SUCLG2: variants seen among roughly 807,000 people sequenced by gnomAD.
The protein encoded by SUCLG2 is succinate--CoA ligase [GDP-forming] subunit beta, mitochondrial.
A neutral mutation model predicts 47.9 loss-of-function variants in SUCLG2; 42 were observed. The ratio of observed to expected loss-of-function variants is 0.88; its 90% confidence interval spans 0.69 to 1.14. The LOEUF (loss-of-function observed/expected upper bound fraction) is 1.14, where lower values mean the gene tolerates loss of function less well. Among genes scored for constraint, SUCLG2 ranks in the 50% most tolerant of loss-of-function variants. The pLI is 0.00. For missense variants in SUCLG2, 571 were observed against 525.9 expected (o/e 1.09, Z -0.84); for synonymous variants, 195 against 197.3 (o/e 0.99, Z 0.10).
chr3:67,576,180 C>A (rs1335862162), intron 2 of SUCLG2, among the ~76,000 whole-genome samples: 1 of 152,190 alleles, frequency 6.6e-6, no homozygotes, highest in African/African-American at 2.4e-5. Context: ...ATACTCCAAT[C>A]AACAGAGTAG....
At chr3:67,393,807 A>T (rs908961834) in intron 10 of SUCLG2, among the ~76,000 whole-genome samples, 1 of 151,962 alleles carries the variant, frequency 6.6e-6, no homozygotes, top group African/African-American at 2.4e-5. Context: ...ATGGCCGGGT[A>T]CTCCTCTGAG....
At chr3:67,476,331 G>A (rs541490930) in intron 9 of SUCLG2, among the ~76,000 whole-genome samples, 14 of 152,064 alleles carry the variant, frequency 9.2e-5, no homozygotes, top group East Asian at 1.9e-4. Context: ...GATCAGTGGC[G>A]GGATTAGATT....
At chr3:67,628,712 C>G (rs1183047142) in intron 1 of SUCLG2, among the ~76,000 whole-genome samples, 11 of 152,122 alleles carry the variant, frequency 7.2e-5, no homozygotes, top group Admixed American at 6.5e-4. Flanking sequence ...TGCCTGCCAC[C>G]CTGTAAAATG....
intron 9 of SUCLG2, among the ~76,000 whole-genome samples, chr3:67,411,463 A>T (rs1243673050): frequency 1.3e-5 from 2 of 152,142 alleles, no homozygotes; most frequent in African/African-American, 4.8e-5. Flanking sequence ...GTTGACAAAG[A>T]TTCATATCAA....
At chr3:67,475,782 G>T (rs1704734798) in intron 9 of SUCLG2, among the ~76,000 whole-genome samples, 1 of 151,314 alleles carries the variant, frequency 6.6e-6, no homozygotes, top group African/African-American at 2.4e-5. Flanking sequence ...TCAAACTCCT[G>T]GTCTCAAATG....
intron 9 of SUCLG2, among the ~76,000 whole-genome samples, chr3:67,490,812 T>C (rs1314283582): frequency 1.3e-5 from 2 of 152,132 alleles, no homozygotes; most frequent in African/African-American, 2.4e-5. Context: ...TATATTCAAA[T>C]GGCTAATAAA....
chr3:67,497,783 TGAAGAC>T (rs1188220505), intron 8 of SUCLG2, among the ~76,000 whole-genome samples: 1 of 152,194 alleles, frequency 6.6e-6, no homozygotes, highest in African/African-American at 2.4e-5. Context: ...TGGAACTGTC[TGAAGAC>T]ATTTATTTTA....
chr3:67,482,659 C>G (rs1704948175), intron 9 of SUCLG2, among the ~76,000 whole-genome samples: 1 of 152,104 alleles, frequency 6.6e-6, no homozygotes, highest in South Asian at 2.1e-4. Context: ...TATCAGAAAT[C>G]ATCTAAATAT....
At chr3:67,615,892 T>A (rs6800079) in intron 1 of SUCLG2, among the ~76,000 whole-genome samples, 1,843 of 152,148 alleles carry the variant, frequency 0.012, 47 homozygotes, top group African/African-American at 0.041. Flanking sequence ...AAGGATACGA[T>A]TGGAAATGAT....
At chr3:67,621,828 T>C (rs562387492) in intron 1 of SUCLG2, among the ~76,000 whole-genome samples, 1 of 152,294 alleles carries the variant, frequency 6.6e-6, no homozygotes, top group South Asian at 2.1e-4. Flanking sequence ...AAATTCCTTT[T>C]CTTTATAAAT....
rs759390766 is a variant in SUCLG2 at position 67,375,505 on chromosome 3, A to C, written c.*239T>G. On this transcript the variant is annotated 3_prime_UTR_variant, in exon 11 of 11. Coordinates refer to ENST00000307227, the MANE Select transcript of SUCLG2 (RefSeq NM_003848.4). ...GTCTGCAAAACACTGCCTACTGGGC[A>C]GGCTTACAGTGACAGAAAAGTATGA... 66 of 1,223,160 alleles carry C rather than the reference A, an allele frequency of 5.4e-5. No homozygotes were observed. The highest frequency in any genetic ancestry group is 4.0e-5 in the Non-Finnish European group (39 of 977,244). 75.8% of individuals were successfully genotyped at this position (1,223,160 alleles called of 1,614,324 possible).
chr3:67,500,897 C>G (rs945173456), intron 7 of SUCLG2, among the ~76,000 whole-genome samples: 4 of 152,182 alleles, frequency 2.6e-5, no homozygotes, highest in African/African-American at 9.7e-5. Context: ...ACTACAGTTA[C>G]AAGCTGCTTC....
intron 9 of SUCLG2, among the ~76,000 whole-genome samples, chr3:67,406,642 G>C (rs998181113): frequency 1.3e-5 from 2 of 152,144 alleles, no homozygotes; most frequent in Non-Finnish European, 2.9e-5. Flanking sequence ...ACAGAATCTG[G>C]AGTATCAGGT....
At chr3:67,457,293 C>A (rs750227432) in intron 9 of SUCLG2, among the ~76,000 whole-genome samples, 20 of 152,154 alleles carry the variant, frequency 1.3e-4, no homozygotes, top group Non-Finnish European at 2.8e-4. Flanking sequence ...AAGAAAAGAA[C>A]AGATTTTCAA....
At chr3:67,384,717 T>C (rs1296181293) in intron 10 of SUCLG2, among the ~76,000 whole-genome samples, 2 of 152,202 alleles carry the variant, frequency 1.3e-5, no homozygotes, top group Non-Finnish European at 2.9e-5. Context: ...CTCTTTGAAT[T>C]GACAATGGCA....
intron 5 of SUCLG2, among the ~76,000 whole-genome samples, chr3:67,518,953 C>T (rs1706024086): frequency 6.6e-6 from 1 of 151,960 alleles, no homozygotes; most frequent in African/African-American, 2.4e-5. Context: ...AGGTAATTAA[C>T]TTATTATATA....
chr3:67,486,468 G>A (rs1030965595), intron 9 of SUCLG2, among the ~76,000 whole-genome samples: 2 of 152,040 alleles, frequency 1.3e-5, no homozygotes, highest in Admixed American at 6.5e-5. Flanking sequence ...TGTTCTTAGC[G>A]GAAAAACACA....
chr3:67,520,466 C>A lies in SUCLG2; in HGVS notation c.570+16G>T. The A allele has an allele frequency of 1.9e-6, 3 of 1,613,814 alleles. No individual in the cohort carries two copies. Among genetic ancestry groups the A allele is most frequent in the Non-Finnish European group, 2.5e-6 (3 of 1,179,828 alleles). On this transcript the variant is annotated intron_variant, in intron 5 of 10. Transcript: ENST00000307227. ...AACAATCAATTAATAGCAGGTAGCC[C>A]GGAATTTAAACATACCTTAAAAATG...
At chr3:67,571,604 A>C (rs1458088636) in intron 2 of SUCLG2, among the ~76,000 whole-genome samples, 1 of 152,242 alleles carries the variant, frequency 6.6e-6, no homozygotes, top group Admixed American at 6.5e-5. Flanking sequence ...TTACAGAAGA[A>C]ATAAGACCAT....
Sources: allele counts gnomAD v4.1 joint callset (sites outside exome capture counted in the v4.1 genomes callset), GRCh38; gene constraint gnomAD v4.1.1; transcripts MANE v1.5; gene names NCBI Gene and HGNC (gene_info 2026-07-23, HGNC 2026-07-21).